The following PLA2G6 variants were observed in gnomAD, a reference collection of about 807,000 sequenced individuals.
PLA2G6 encodes phospholipase A2 group VI.
A neutral mutation model predicts 83.8 loss-of-function variants in PLA2G6; 62 were observed. The ratio of observed to expected loss-of-function variants is 0.74; its 90% CI spans 0.60 to 0.91. The LOEUF (loss-of-function observed/expected upper bound fraction) is 0.91. Among genes scored for constraint, PLA2G6 ranks in the 40% least tolerant of loss-of-function variants. The pLI, the probability that PLA2G6 is intolerant of heterozygous loss-of-function variation, is 0.00. For synonymous variants in PLA2G6, 417 were observed against 449.8 expected (o/e 0.93, Z 0.92); for missense variants, 944 against 1,102.0 (o/e 0.86, Z 2.03).
chr22:38,155,469 A>C (rs1247137522), intron 2 of PLA2G6, among the ~76,000 whole-genome samples: 1 of 152,214 alleles, frequency 6.6e-6, no homozygotes, highest in Non-Finnish European at 1.5e-5. Flanking sequence ...GAACCAATCA[A>C]AAATAATAAC....
chr22:38,171,132 A>C (rs1314569385), intron 1 of PLA2G6, among the ~76,000 whole-genome samples: 1 of 148,768 alleles, frequency 6.7e-6, no homozygotes, highest in East Asian at 2.0e-4. Context: ...AGATGGCGCC[A>C]TTGCACTCCA....
chr22:38,160,136 T>C (rs2089952133), intron 2 of PLA2G6, among the ~76,000 whole-genome samples: 1 of 152,170 alleles, frequency 6.6e-6, no homozygotes, highest in South Asian at 2.1e-4. Context: ...TATCAAAAAG[T>C]GCTCAACTTC....
At chr22:38,146,329 G>A (rs2145835129) in intron 2 of PLA2G6, 1 of 152,058 alleles carries the variant, frequency 6.6e-6, no homozygotes, top group South Asian at 2.1e-4. Context: ...TAGCCACCGT[G>A]AGCCACTGTG....
intron 3 of PLA2G6, chr22:38,143,962 T>G (rs2089079792): frequency 1.1e-5 from 2 of 176,146 alleles, no homozygotes; most frequent in South Asian, 2.5e-4. Context: ...CAGGCTGGTC[T>G]CAAACTCCTG....
At chr22:38,167,516 C>A (rs2090266898) in intron 2 of PLA2G6, among the ~76,000 whole-genome samples, 2 of 149,374 alleles carry the variant, frequency 1.3e-5, no homozygotes, top group Non-Finnish European at 1.5e-5. Context: ...CTGCCCTGGT[C>A]AGCTGTGCCT....
Position 38,155,649 on chromosome 22 carries a change from T to C in PLA2G6, c.210-9996A>G, listed in dbSNP as rs573883428. ...TATAAGATATTATTTGCAAGCCTCATGTTAACCTCAAATCAAAAAACATAC... is the reference window on the plus strand; with the variant it reads ...TATAAGATATTATTTGCAAGCCTCACGTTAACCTCAAATCAAAAAACATAC... On this transcript the variant is annotated intron_variant, in intron 2 of 16. Transcript: ENST00000332509. Among the ~76,000 whole-genome samples the C allele has an allele frequency of 2.4e-4, 36 of 152,232 alleles. No individual in the cohort carries two copies. In the South Asian group the frequency reaches 7.0e-3, roughly 30 times the overall value.
intron 12 of PLA2G6, among the ~76,000 whole-genome samples, chr22:38,119,397 C>A (rs1373009344): frequency 6.6e-6 from 1 of 152,144 alleles, no homozygotes; most frequent in East Asian, 1.9e-4. Flanking sequence ...TAAATTGGAT[C>A]TTGGATTTCA....
chr22:38,144,897 T>A, intron 3 of PLA2G6: 1 of 291,116 alleles, frequency 3.4e-6, no homozygotes, highest in Non-Finnish European at 6.9e-6. Context: ...TGACGATACC[T>A]TGTGGGGGTT....
At position 38,140,014 on chromosome 22, in the gene PLA2G6, G is replaced by C. The variant is rs2088803078; in HGVS notation, c.765C>G (p.Pro255=). 6.2e-7 allele frequency: 1 copy of C among 1,609,230 alleles called. No homozygotes were observed. The highest frequency in any genetic ancestry group is 1.3e-5 in the African/African-American group (1 of 74,996). Residue 255 remains proline, a synonymous_variant, in exon 5 of 17, where the codon CCC becomes CCG. Coordinates refer to ENST00000332509, the MANE Select transcript of PLA2G6 (RefSeq NM_003560.4). The part of the protein sequence containing the change: ...RCNIMGPNGY[P]IHSAMKFSQK... ...GAGAGAACTTCATGGCCGAGTGGAT[G>C]GGGTAGCCGTTGGGGCCCATGATGT...
Position 38,120,772 on chromosome 22 carries a change from C to G in PLA2G6, c.1729G>C (p.Val577Leu). Residue 577 changes from valine to leucine, a missense_variant, in exon 12 of 17, where the codon GTC becomes CTC. Physicochemically the swap from Val to Leu is conservative, Grantham distance 32. Transcript: ENST00000332509. ...EFGEHTKMTD[V>L]RKPKVMLTGT... is the part of the protein sequence containing the mutation. ...GCCAGGGCTTACTTGGGTTTCCTGA[C>G]GTCCGTCATCTTGGTGTGCTCCCCA... The G allele has an allele frequency of 6.2e-7, 1 of 1,613,762 alleles. No individual in the cohort carries two copies. Among genetic ancestry groups the G allele is most frequent in the Non-Finnish European group, 8.5e-7 (1 of 1,180,036 alleles).
At position 38,140,023 on chromosome 22, in the gene PLA2G6, GT is replaced by G. The variant is rs587784361; in HGVS notation, c.755del (p.Asn252ThrfsTer9). On this transcript the variant is annotated frameshift_variant, in exon 5 of 17. Transcript: ENST00000332509. LOFTEE classifies it high-confidence loss of function. ...TCATGGCCGAGTGGATGGGGTAGCCGTTGGGGCCCATGATGTTGCACCGAGC... is the reference window on the plus strand; with the variant it reads ...TCATGGCCGAGTGGATGGGGTAGCCGTGGGGCCCATGATGTTGCACCGAGC... ...CNARCNIMGPNGYPIHSAMKF... is the reference protein window; with the variant it reads ...CNARCNIMGPXGYPIHSAMKF... The G allele has an allele frequency of 1.7e-5, 28 of 1,610,962 alleles. No individual in the cohort carries two copies. The highest frequency in any genetic ancestry group is 2.0e-5 in the Non-Finnish European group (24 of 1,178,588).
In PLA2G6 at chr22:38,143,240, C is replaced by T; in HGVS notation, c.474G>A (p.Leu158=). 10 of 1,614,098 alleles carry T rather than the reference C, an allele frequency of 6.2e-6. No homozygotes were observed. The highest frequency in any genetic ancestry group is 8.5e-6 in the Non-Finnish European group (10 of 1,180,030). Residue 158 remains leucine (L), a synonymous_variant, in exon 4 of 17, where the codon CTG becomes CTA. Coordinates refer to ENST00000332509, the MANE Select transcript of PLA2G6 (RefSeq NM_003560.4). ...ENEEGCTPLH[L]ACRKGDGEIL... ...TCTCCCCATCACCCTTGCGGCAGGC[C>T]AGGTGCAGGGGTGTGCAGCCCTCCT...
At chr22:38,158,124 G>A (rs933223173) in intron 2 of PLA2G6, among the ~76,000 whole-genome samples, 17 of 151,372 alleles carry the variant, frequency 1.1e-4, no homozygotes, top group African/African-American at 3.6e-4. Context: ...AGTTTGATAC[G>A]TAGTATTTGC....
In PLA2G6 at chr22:38,112,023, C is replaced by T; in HGVS notation, c.*138G>A. On this transcript the variant is annotated 3_prime_UTR_variant, in exon 17 of 17. Transcript: ENST00000332509. Reference sequence around the variant, plus strand: ...TTCAGGACCAGCCTCGGGCAGGCAGCTTGGCATTCTCCCAGGCCTGGTCTA... The same window carrying T: ...TTCAGGACCAGCCTCGGGCAGGCAGTTTGGCATTCTCCCAGGCCTGGTCTA... 2 of 1,003,758 alleles carry T rather than the reference C, an allele frequency of 2.0e-6. No individual in the cohort carries two copies. Among genetic ancestry groups the T allele is most frequent in the South Asian group, 2.8e-5 (2 of 71,664 alleles). 62.2% of individuals were successfully genotyped at this position (1,003,758 alleles called of 1,614,324 possible). A position where few individuals can be genotyped will look rare whatever the true frequency, so the allele number is the denominator to read the frequency against.
At chr22:38,181,007 G>C (rs1482574392) in intron 1 of PLA2G6, among the ~76,000 whole-genome samples, 2 of 152,244 alleles carry the variant, frequency 1.3e-5, no homozygotes, top group Admixed American at 6.5e-5. Context: ...TATTCGTTGG[G>C]GTCATGTGGG....
chr22:38,169,460 T>G lies in PLA2G6; in HGVS notation c.-34A>C. The G allele has an allele frequency of 1.3e-6, 2 of 1,580,528 alleles. No homozygotes were observed. The highest frequency in any genetic ancestry group is 1.7e-6 in the Non-Finnish European group (2 of 1,151,598). On this transcript the variant is annotated 5_prime_UTR_variant, in exon 2 of 17. Transcript: ENST00000332509. ...GGGCAGGTGGGGAGGCCCCACCGTC[T>G]TCCCCCTCTGTCTGGAAGAAAACGA... is the stretch of plus-strand genomic sequence containing the variant.
intron 4 of PLA2G6, chr22:38,140,416 G>C (rs1430887717): frequency 2.1e-6 from 1 of 467,804 alleles, no homozygotes; most frequent in South Asian, 2.0e-5. Flanking sequence ...CCTGAGGAAA[G>C]AGAATCGCTT....
In PLA2G6 at chr22:38,128,357, C is replaced by A. The variant is rs1448993577; in HGVS notation, c.1260G>T (p.Gly420=). 1 of 1,613,840 alleles carries A rather than the reference C, an allele frequency of 6.2e-7. No homozygotes were observed. The change falls in exon 9 of 17, where the codon GGG becomes GGT. Residue 420 remains glycine, a synonymous_variant. Transcript: ENST00000332509. The surrounding 1 kb of genome is among the most constrained non-coding windows in gnomAD (Gnocchi z 4.4). ...CTGCAGAGCCCTGCTCCGCGGGGAC[C>A]CCGTGGATGGGTGGGAAGCAGTATT... ...GAEYCFPPIH[G]VPAEQGSAAP... is the part of the protein sequence containing the mutation.
At chr22:38,160,932 GTAATGTCCTA>G (rs2089985128) in intron 2 of PLA2G6, among the ~76,000 whole-genome samples, 1 of 152,140 alleles carries the variant, frequency 6.6e-6, no homozygotes, top group South Asian at 2.1e-4. Context: ...CTGGGGTGCT[GTAATGTCCTA>G]TCTCTAGATT....
Sources: gnomAD v4.1 joint callset for allele counts (sites outside exome capture counted in the v4.1 genomes callset) on GRCh38, gnomAD v4.1.1 for gene constraint, Gnocchi (gnomAD v3.1) non-coding constraint, MANE v1.5 for transcripts, NCBI Gene and HGNC (gene_info 2026-07-23, HGNC 2026-07-21) for gene names.